PDE1C: variants seen among roughly 807,000 people sequenced by gnomAD.
PDE1C encodes the protein dual specificity calcium/calmodulin-dependent 3',5'-cyclic nucleotide phosphodiesterase 1C.
Under a neutral mutation model 93.1 loss-of-function variants are expected in PDE1C, and 62 were observed. That is an observed-to-expected ratio of 0.67 (90% confidence interval 0.54 to 0.82). The LOEUF is 0.82. PDE1C is among the 40% of genes least tolerant of loss of function. PDE1C has a pLI of 0.00. For synonymous variants in PDE1C, 325 were observed against 310.1 expected (o/e 1.05, Z -0.50); for missense variants, 742 against 884.6 (o/e 0.84, Z 2.04).
intron 17 of PDE1C, among the ~76,000 whole-genome samples, chr7:31,773,899 C>T (rs1465205597): frequency 6.6e-6 from 1 of 152,078 alleles, no homozygotes; most frequent in Non-Finnish European, 1.5e-5. Context: ...GTCAATTCCA[C>T]CTAGATGATT....
intron 2 of PDE1C, among the ~76,000 whole-genome samples, chr7:32,180,127 A>G (rs1454280440): frequency 2.0e-5 from 3 of 152,220 alleles, no homozygotes; most frequent in African/African-American, 7.2e-5. Context: ...TACAAAAAAT[A>G]AAGTACCAAT....
intron 16 of PDE1C, chr7:31,789,561 A>G: frequency 2.8e-6 from 2 of 705,730 alleles, no homozygotes; most frequent in Non-Finnish European, 3.5e-6. Context: ...TAATGAATGC[A>G]CAGAGAAAAT....
At chr7:31,660,545 T>C in the PDE1C span, among the ~76,000 whole-genome samples, 1 of 152,270 alleles carries the variant, frequency 6.6e-6, no homozygotes, top group South Asian at 2.1e-4. Flanking sequence ...TTTTCTGTTT[T>C]GGTTTGATTA....
At chr7:32,076,434 A>C, upstream of PDE1C, among the ~76,000 whole-genome samples, 1 of 152,122 alleles carries the variant, frequency 6.6e-6, no homozygotes, top group East Asian at 1.9e-4. Flanking sequence ...TGAGGTCAGG[A>C]GTTCAAGACC....
intron 2 of PDE1C, chr7:32,209,406 A>C: frequency 1.9e-5 from 21 of 1,077,892 alleles, no homozygotes; most frequent in Non-Finnish European, 2.5e-5. Context: ...ACAGAATTGA[A>C]GAGCTATACC....
At chr7:32,397,986 C>T (rs1784866858) in intron 1 of PDE1C, among the ~76,000 whole-genome samples, 1 of 151,994 alleles carries the variant, frequency 6.6e-6, no homozygotes, top group Non-Finnish European at 1.5e-5. Flanking sequence ...CACCCCTCAT[C>T]TACTAAAAAT....
At chr7:32,156,308 A>G (rs6462337) in intron 3 of PDE1C, among the ~76,000 whole-genome samples, 2,496 of 151,994 alleles carry the variant, frequency 0.016, 80 homozygotes, top group African/African-American at 0.057. Context: ...ACAGGCCCCA[A>G]TGTGTGTTGC....
In PDE1C at chr7:32,263,840, C is replaced by A. The variant is rs563093850; in HGVS notation, c.85+34811G>T. ...TGATTAGATTGAGGTTTTGTATTCT[C>A]AGCCAGAACTCAGCATAAACAATGT... On this transcript the variant is annotated intron_variant, in intron 1 of 18. Transcript: ENST00000396193. Among the ~76,000 whole-genome samples, 8 of 152,286 alleles carry A rather than the reference C, an allele frequency of 5.3e-5. 1 individual carries two copies. In the South Asian group the frequency reaches 1.0e-3, roughly 20 times the overall value.
intron 1 of PDE1C, chr7:32,427,819 C>G (rs1294949735): frequency 6.6e-6 from 1 of 152,278 alleles, no homozygotes; most frequent in East Asian, 1.9e-4. Context: ...TAAGGAAACT[C>G]ACCCGCTGCG....
chr7:32,315,133 A>G (rs1338594414), intron 1 of PDE1C, among the ~76,000 whole-genome samples: 2 of 151,154 alleles, frequency 1.3e-5, no homozygotes, highest in East Asian at 1.9e-4. Context: ...GTAGGATGCA[A>G]TAGAGTCTCA....
chr7:32,322,594 A>G (rs1192378455), intron 1 of PDE1C, among the ~76,000 whole-genome samples: 1 of 149,798 alleles, frequency 6.7e-6, no homozygotes, highest in Non-Finnish European at 1.5e-5. Flanking sequence ...ACAGAGCAAG[A>G]TCCCATCTCT....
intron 3 of PDE1C, among the ~76,000 whole-genome samples, chr7:32,107,068 T>C (rs1234019395): frequency 2.0e-5 from 3 of 150,070 alleles, no homozygotes; most frequent in African/African-American, 7.3e-5. Context: ...GACTCATCAG[T>C]AGAATGGACA....
At chr7:32,408,730 A>C (rs574062385) in intron 1 of PDE1C, among the ~76,000 whole-genome samples, 3 of 152,186 alleles carry the variant, frequency 2.0e-5, no homozygotes, top group African/African-American at 7.2e-5. Flanking sequence ...CGAAGGTTGC[A>C]GTGGGCCAAG....
chr7:31,923,856 T>C (rs1802981408), intron 2 of PDE1C, among the ~76,000 whole-genome samples: 1 of 152,302 alleles, frequency 6.6e-6, no homozygotes, highest in East Asian at 1.9e-4. Context: ...AGAAGTGGGA[T>C]TTGCTCTCAG....
chr7:31,867,417 G>A (rs1795435726), intron 6 of PDE1C, among the ~76,000 whole-genome samples: 1 of 152,238 alleles, frequency 6.6e-6, no homozygotes, highest in East Asian at 1.9e-4. Context: ...CTGGGGGCCT[G>A]AGGATAGCCC....
Position 31,819,644 on chromosome 7 carries a change from C to T in PDE1C, c.1582+3429G>A, listed in dbSNP as rs188080399. 5.8e-4 allele frequency among the ~76,000 whole-genome samples: 88 copies of T among 152,148 alleles called. 1 individual carries two copies. The highest frequency in any genetic ancestry group is 2.0e-3 in the African/African-American group (84 of 41,534). On this transcript the variant is annotated intron_variant, in intron 14 of 17. Transcript: ENST00000396191. Reference sequence around the variant, plus strand: ...AAGAGTTAAGGTAGAGCAGAGCCCTCGAGATCCATAAATTTGCTTCCTCCC... The same window carrying T: ...AAGAGTTAAGGTAGAGCAGAGCCCTTGAGATCCATAAATTTGCTTCCTCCC...
At chr7:31,855,442 T>A (rs1022255593) in intron 7 of PDE1C, among the ~76,000 whole-genome samples, 1 of 152,114 alleles carries the variant, frequency 6.6e-6, no homozygotes, top group African/African-American at 2.4e-5. Flanking sequence ...ATTCTTCTGA[T>A]TGTTAGCCTT....
the PDE1C span, among the ~76,000 whole-genome samples, chr7:31,713,830 T>C: frequency 6.6e-6 from 1 of 152,186 alleles, no homozygotes. Flanking sequence ...TAATCATGGC[T>C]GGAGAGGCTG....
chr7:31,854,082 G>C (rs1460544776), intron 7 of PDE1C, among the ~76,000 whole-genome samples: 1 of 152,034 alleles, frequency 6.6e-6, no homozygotes, highest in African/African-American at 2.4e-5. Flanking sequence ...CAGTGTGGAG[G>C]TAGAAGCCAT....
Sources: allele counts gnomAD v4.1 joint callset (sites outside exome capture counted in the v4.1 genomes callset), GRCh38; gene constraint gnomAD v4.1.1; transcripts MANE v1.5; gene names NCBI Gene and HGNC (gene_info 2026-07-23, HGNC 2026-07-21).